MAD1L1: variants seen among roughly 807,000 people sequenced by gnomAD.
MAD1L1 encodes the protein mitotic spindle assembly checkpoint protein MAD1.
Under a neutral mutation model 96.9 loss-of-function variants are expected in MAD1L1, and 95 were observed. That is an observed-to-expected ratio of 0.98 (90% CI 0.83 to 1.16). The LOEUF is 1.16. Among genes scored for constraint, MAD1L1 ranks in the 50% most tolerant of loss-of-function variants. MAD1L1 has a pLI of 0.00. For missense variants in MAD1L1, 1,007 were observed against 954.4 expected (o/e 1.06, Z -0.73); for synonymous variants, 473 against 396.6 (o/e 1.19, Z -2.29).
At chr7:1,978,098 C>T (rs1252056146) in intron 15 of MAD1L1, among the ~76,000 whole-genome samples, 1 of 152,236 alleles carries the variant, frequency 6.6e-6, no homozygotes, top group Non-Finnish European at 1.5e-5. Context: ...CCTCCAGAGG[C>T]CCTTTCTCCA....
rs1584092912 is a variant in MAD1L1, at chr7:2,017,368, G to A, written c.1219-2726C>T. On this transcript the variant is annotated intron_variant, in intron 12 of 18. Transcript: ENST00000265854. Reference sequence around the variant, plus strand: ...TCCTCCTTAGGTACAGAAACGTCCCGGTTCTAAGGAATAGAATGTGCTCAT... The same window carrying A: ...TCCTCCTTAGGTACAGAAACGTCCCAGTTCTAAGGAATAGAATGTGCTCAT... Among the ~76,000 whole-genome samples the A allele has an allele frequency of 9.2e-5, 14 of 152,316 alleles. No individual in the cohort carries two copies. The South Asian group carries it at 2.3e-3, about 25-fold the overall frequency.
intron 10 of MAD1L1, chr7:2,175,486 C>A (rs892415591): frequency 3.8e-5 from 5 of 129,886 alleles, no homozygotes; most frequent in Non-Finnish European, 6.1e-5. Context: ...TTCACATGAA[C>A]CTTTGCCAAA....
At chr7:2,129,048 C>T (rs571979123) in intron 11 of MAD1L1, among the ~76,000 whole-genome samples, 1 of 152,320 alleles carries the variant, frequency 6.6e-6, no homozygotes, top group African/African-American at 2.4e-5. Flanking sequence ...GTGCACGACC[C>T]CACCACGAGG....
intron 1 of MAD1L1, among the ~76,000 whole-genome samples, chr7:2,232,379 G>A (rs1225248893): frequency 6.6e-6 from 1 of 152,234 alleles, no homozygotes; most frequent in African/African-American, 2.4e-5. Context: ...CCATCCCCGA[G>A]GGGAAACCGG....
intron 12 of MAD1L1, among the ~76,000 whole-genome samples, chr7:2,063,333 G>A (rs950423568): frequency 2.6e-5 from 4 of 152,242 alleles, no homozygotes; most frequent in Admixed American, 2.6e-4. Context: ...ACTCCAGGCT[G>A]TGCCGGATCC....
At position 2,088,532 on chromosome 7, in the gene MAD1L1, C is replaced by T. The variant is rs1055552432; in HGVS notation, c.1074-19194G>A. On this transcript the variant is annotated intron_variant, in intron 11 of 18. Coordinates refer to ENST00000265854, the MANE Select transcript of MAD1L1 (RefSeq NM_001013836.2). This position sits in a 1 kb window ranked among gnomAD's most constrained non-coding sequence, Gnocchi z 4.4. Reference sequence around the variant, plus strand: ...GCCACCATGACAGCTCTGGAGCTGCCACTGCACGTGCACATCCATCTCCCT... The same window carrying T: ...GCCACCATGACAGCTCTGGAGCTGCTACTGCACGTGCACATCCATCTCCCT... Among the ~76,000 whole-genome samples the T allele has an allele frequency of 1.3e-5, 2 of 152,172 alleles. No homozygotes were observed. Among genetic ancestry groups the T allele is most frequent in the Admixed American group, 6.5e-5 (1 of 15,286 alleles).
intron 12 of MAD1L1, among the ~76,000 whole-genome samples, chr7:2,053,971 C>T (rs1390063308): frequency 1.3e-5 from 2 of 152,250 alleles, no homozygotes; most frequent in Non-Finnish European, 2.9e-5. Context: ...GATGACACAC[C>T]TGCCACCAGC....
At chr7:1,939,025 G>GCACACA (rs1562542997) in intron 16 of MAD1L1, among the ~76,000 whole-genome samples, 10 of 95,962 alleles carry the variant, frequency 1.0e-4, no homozygotes, top group African/African-American at 4.6e-4. Flanking sequence ...ACACACACAT[G>GCACACA]GGCCAGGGCT....
At chr7:1,994,289 G>A (rs1781464476) in intron 14 of MAD1L1, among the ~76,000 whole-genome samples, 1 of 152,234 alleles carries the variant, frequency 6.6e-6, no homozygotes, top group Admixed American at 6.5e-5. Flanking sequence ...GTGAAGGCAG[G>A]GAGGGAAGAG....
At chr7:2,086,592 C>A (rs979878225) in intron 11 of MAD1L1, among the ~76,000 whole-genome samples, 4 of 152,142 alleles carry the variant, frequency 2.6e-5, no homozygotes. Context: ...TCGTTCTTGT[C>A]CCCCAGAGCT....
In MAD1L1 at chr7:2,225,462, C is replaced by T. The variant is rs1243726443; in HGVS notation, c.239G>A (p.Arg80Lys). ...EKMQMELSHK[R>K]ARVELERAAS... ...TGCTCTCTCCAGCTCCACTCGAGCC[C>T]TCTTGTGACTCAGCTCCATCTGCAT... Residue 80 changes from arginine to lysine, a missense_variant, in exon 4 of 19, where the codon AGG (arginine) becomes AAG (lysine). Physicochemically the swap from Arg to Lys is conservative, Grantham distance 26 (BLOSUM62 2). Transcript: ENST00000265854. The T allele has an allele frequency of 6.2e-7, 1 of 1,614,194 alleles. No homozygotes were observed.
At chr7:2,123,589 G>A (rs1029483015) in intron 11 of MAD1L1, among the ~76,000 whole-genome samples, 16 of 152,272 alleles carry the variant, frequency 1.1e-4, no homozygotes, top group South Asian at 2.1e-4. Flanking sequence ...AGCCAGCCCC[G>A]CCAAGGGCAC....
In MAD1L1 at chr7:1,962,148, G is replaced by A. The variant is rs1040696327; in HGVS notation, c.1506-4429C>T. 7.9e-5 allele frequency among the ~76,000 whole-genome samples: 12 copies of A among 152,242 alleles called. No homozygotes were observed. In the South Asian group the frequency reaches 8.3e-4, roughly 11 times the overall value. On this transcript the variant is annotated intron_variant, in intron 15 of 18. Transcript: ENST00000265854. ...TTCTCATCTATTGTGGGAAGGACACGGTGGGAGATAATGAATCACAGGGAT... is the reference window on the plus strand; with the variant it reads ...TTCTCATCTATTGTGGGAAGGACACAGTGGGAGATAATGAATCACAGGGAT...
chr7:2,164,454 C>T (rs532306034), intron 10 of MAD1L1, among the ~76,000 whole-genome samples: 18 of 152,302 alleles, frequency 1.2e-4, no homozygotes, highest in Non-Finnish European at 1.6e-4. Context: ...ACCCCTGTGA[C>T]GGTTGCTGGT....
chr7:1,950,400 C>T (rs185743492), intron 16 of MAD1L1, among the ~76,000 whole-genome samples: 3 of 152,230 alleles, frequency 2.0e-5, no homozygotes, highest in African/African-American at 7.2e-5. Flanking sequence ...GCTCCCCTGA[C>T]CTCAGGCCTC....
Position 2,229,986 on chromosome 7 carries a change from G to A in MAD1L1, c.148C>T (p.Gln50Ter). 6.2e-7 allele frequency: 1 copy of A among 1,612,450 alleles called. No homozygotes were observed. Among genetic ancestry groups the A allele is most frequent in the Non-Finnish European group, 8.5e-7 (1 of 1,179,954 alleles). ...SLQMQYQQSM[Q>*]LEERAEQIRS... ...CCACCCAGGCACATGCCACTCACCT[G>A]CATGCTCTGCTGGTACTGCATCTGC... The change falls in exon 3 of 19, where the codon CAG (glutamine) becomes TAG (stop). Residue 50 changes from glutamine (Q) to a stop codon, truncating the protein, a stop_gained and splice_region_variant. Coordinates refer to ENST00000265854, the MANE Select transcript of MAD1L1 (RefSeq NM_001013836.2). LOFTEE classifies it high-confidence loss of function.
At chr7:2,172,814 AG>A (rs1331619421) in intron 10 of MAD1L1, among the ~76,000 whole-genome samples, 1 of 152,238 alleles carries the variant, frequency 6.6e-6, no homozygotes, top group Non-Finnish European at 1.5e-5. Context: ...CTGGAGCCCC[AG>A]ATGGGCTCCC....
intron 18 of MAD1L1, among the ~76,000 whole-genome samples, chr7:1,874,190 G>A (rs1785254882): frequency 6.6e-6 from 1 of 152,200 alleles, no homozygotes; most frequent in South Asian, 2.1e-4. Flanking sequence ...AGAGGTCAGT[G>A]CAGCGAGGCC....
At chr7:2,003,132 G>A (rs1766277395) in intron 13 of MAD1L1, among the ~76,000 whole-genome samples, 1 of 12,260 alleles carries the variant, frequency 8.2e-5, no homozygotes, top group Non-Finnish European at 1.7e-4. Flanking sequence ...TGGGATCTGC[G>A]GGGTGGAGGC....
Sources: gnomAD v4.1 joint callset for allele counts (sites outside exome capture counted in the v4.1 genomes callset) on GRCh38, gnomAD v4.1.1 for gene constraint, Gnocchi (gnomAD v3.1) non-coding constraint, MANE v1.5 for transcripts, NCBI Gene and HGNC (gene_info 2026-07-23, HGNC 2026-07-21) for gene names.